VTA1: variants seen among roughly 807,000 people sequenced by gnomAD.
VTA1 encodes vesicle trafficking 1.
In VTA1, 24 loss-of-function variants were observed where a neutral mutation model predicts 36.9. The ratio of observed to expected loss-of-function variants is 0.65; its 90% CI spans 0.47 to 0.91. The LOEUF (loss-of-function observed/expected upper bound fraction) is 0.91. VTA1 is among the 40% of genes least tolerant of loss of function. The pLI is 0.00. For missense variants in VTA1, 393 were observed against 377.2 expected (o/e 1.04, Z -0.35); for synonymous variants, 142 against 130.2 (o/e 1.09, Z -0.62).
At position 142,223,276 on chromosome 6, in the gene VTA1, G is replaced by A. The variant is rs558968493; in HGVS notation, c.*4633G>A. 29 of 152,306 alleles carry A rather than the reference G, an allele frequency of 1.9e-4. No individual in the cohort carries two copies. Among genetic ancestry groups the A allele is most frequent in the Admixed American group, 1.8e-3 (27 of 15,294 alleles). The allele number at this position is 152,306 out of a possible 1,614,324, so 9.4% of individuals were successfully genotyped here. ...TGTATGGACTGCAGCAATCCAAGGG[G>A]ACACTAAGCAGGGTTTGAGTAATGC... On this transcript the variant is annotated 3_prime_UTR_variant, in exon 8 of 8. Coordinates refer to ENST00000367630, the MANE Select transcript of VTA1 (RefSeq NM_016485.5).
At position 142,169,577 on chromosome 6, in the gene VTA1, G is replaced by A; in HGVS notation, c.235G>A (p.Ala79Thr). ...ALKKQLGDNE[A>T]ITQEIVGCAH... is the part of the protein sequence containing the mutation. ...AAAGAAGCAGTTGGGTGATAATGAA[G>A]CTATTACTCAAGAAATAGTGGGCTG... The change falls in exon 3 of 8, where the codon GCT (alanine) becomes ACT (threonine). Residue 79 changes from alanine to threonine, a missense_variant. Transcript: ENST00000367630. 1 of 1,607,468 alleles carries A rather than the reference G, an allele frequency of 6.2e-7. No individual in the cohort carries two copies. The highest frequency in any genetic ancestry group is 8.5e-7 in the Non-Finnish European group (1 of 1,178,620).
At chr6:142,193,694 G>C (rs1172175516) in intron 5 of VTA1, among the ~76,000 whole-genome samples, 1 of 151,226 alleles carries the variant, frequency 6.6e-6, no homozygotes, top group African/African-American at 2.4e-5. Context: ...TTCATTACTT[G>C]AGCAAATTAA....
intron 1 of VTA1, among the ~76,000 whole-genome samples, chr6:142,164,748 T>C (rs894986153): frequency 6.6e-6 from 1 of 152,144 alleles, no homozygotes; most frequent in Non-Finnish European, 1.5e-5. Flanking sequence ...TATTATCCCA[T>C]GGAAACTTAA....
At chr6:142,193,510 C>A (rs188146148) in intron 5 of VTA1, among the ~76,000 whole-genome samples, 3 of 152,156 alleles carry the variant, frequency 2.0e-5, no homozygotes, top group Admixed American at 2.0e-4. Context: ...AGTTGGCACT[C>A]TATCATAAGG....
At chr6:142,208,307 T>C (rs1388248636) in intron 7 of VTA1, among the ~76,000 whole-genome samples, 2 of 152,122 alleles carry the variant, frequency 1.3e-5, no homozygotes, top group Non-Finnish European at 2.9e-5. Flanking sequence ...GAGAACTCTT[T>C]TGAGGCTCTC....
intron 7 of VTA1, among the ~76,000 whole-genome samples, chr6:142,209,596 A>G (rs1335752244): frequency 6.6e-6 from 1 of 150,906 alleles, no homozygotes; most frequent in Admixed American, 6.6e-5. Flanking sequence ...GTTGAATGTA[A>G]TACAAAAAAT....
At chr6:142,178,574 A>G (rs895796854) in intron 4 of VTA1, among the ~76,000 whole-genome samples, 1 of 152,124 alleles carries the variant, frequency 6.6e-6, no homozygotes, top group Admixed American at 6.5e-5. Flanking sequence ...AAAAGACTAT[A>G]TATTTTTAAT....
chr6:142,175,314 A>G (rs895207992), intron 4 of VTA1, among the ~76,000 whole-genome samples: 48 of 151,914 alleles, frequency 3.2e-4, no homozygotes, highest in African/African-American at 1.1e-3. Context: ...GTTTTCTGTC[A>G]TGCTCCGTAC....
chr6:142,171,804 G>C (rs565787447), intron 4 of VTA1, among the ~76,000 whole-genome samples: 7 of 152,090 alleles, frequency 4.6e-5, no homozygotes, highest in Non-Finnish European at 1.0e-4. Context: ...TTTTCAAAAT[G>C]ATGAGTAGCT....
intron 4 of VTA1, among the ~76,000 whole-genome samples, chr6:142,182,293 T>G (rs1471533164): frequency 6.6e-6 from 1 of 152,106 alleles, no homozygotes; most frequent in East Asian, 1.9e-4. Flanking sequence ...AGGAGAACAA[T>G]GTGGCAGAAT....
At chr6:142,164,378 CTT>C (rs200579849) in intron 1 of VTA1, among the ~76,000 whole-genome samples, 3 of 148,294 alleles carry the variant, frequency 2.0e-5, no homozygotes, top group African/African-American at 5.0e-5. Flanking sequence ...TTTTGGAACT[CTT>C]TTTTTTTTCT....
intron 1 of VTA1, among the ~76,000 whole-genome samples, chr6:142,156,884 G>A (rs1248082501): frequency 6.6e-6 from 1 of 152,190 alleles, no homozygotes; most frequent in African/African-American, 2.4e-5. Context: ...ATGGATATTA[G>A]CATTAACAAT....
rs1007286218 is a variant in VTA1 at position 142,201,474 on chromosome 6, T to G, written c.698-2511T>G. On this transcript the variant is annotated intron_variant, in intron 6 of 7. Coordinates refer to ENST00000367630, the MANE Select transcript of VTA1 (RefSeq NM_016485.5). ...TGTTTAAACAGGCGAAGTGTTTGCT[T>G]CTTGTGCTTTCAACACTGCACAGAT... 2.0e-5 allele frequency among the ~76,000 whole-genome samples: 3 copies of G among 151,978 alleles called. No homozygotes were observed. In the South Asian group the frequency reaches 6.2e-4, roughly 31 times the overall value.
rs1364196232 is a variant in VTA1, at chr6:142,223,260, TGCA to T, written c.*4621_*4623del. On this transcript the variant is annotated 3_prime_UTR_variant, in exon 8 of 8. Transcript: ENST00000367630. ...ATCTATGACCTGAAATTGTATGGAC[TGCA>T]GCAATCCAAGGGGACACTAAGCAGG... 1.3e-5 allele frequency: 2 copies of T among 152,250 alleles called. No individual in the cohort carries two copies. Among genetic ancestry groups the T allele is most frequent in the African/African-American group, 4.8e-5 (2 of 41,476 alleles). 9.4% of individuals were successfully genotyped at this position (152,250 alleles called of 1,614,324 possible). A position where few individuals can be genotyped will look rare whatever the true frequency, so the allele number is the denominator to read the frequency against.
intron 4 of VTA1, among the ~76,000 whole-genome samples, chr6:142,172,763 G>T (rs2114648222): frequency 6.6e-6 from 1 of 152,288 alleles, no homozygotes. Context: ...TGGTTCAGTA[G>T]AACTTTGGAG....
intron 4 of VTA1, among the ~76,000 whole-genome samples, chr6:142,182,426 A>G (rs1775259409): frequency 6.6e-6 from 1 of 152,210 alleles, no homozygotes; most frequent in Non-Finnish European, 1.5e-5. Flanking sequence ...TGTAATGGAC[A>G]AGAGTGGAAA....
intron 7 of VTA1, among the ~76,000 whole-genome samples, chr6:142,212,369 A>G (rs1194668538): frequency 6.6e-6 from 1 of 152,230 alleles, no homozygotes; most frequent in Admixed American, 6.5e-5. Context: ...ATGAAAAGAC[A>G]TGGAGGAAAC....
chr6:142,160,014 A>G (rs1307817992), intron 1 of VTA1, among the ~76,000 whole-genome samples: 1 of 152,026 alleles, frequency 6.6e-6, no homozygotes, highest in African/African-American at 2.4e-5. Flanking sequence ...ACATTTTCCT[A>G]TCTGTTGGCC....
At chr6:142,208,002 G>C (rs987962518) in intron 7 of VTA1, among the ~76,000 whole-genome samples, 1 of 149,514 alleles carries the variant, frequency 6.7e-6, no homozygotes, top group African/African-American at 2.5e-5. Flanking sequence ...CAGGAGAATC[G>C]CTTGAACCTG....
Sources: gnomAD v4.1 joint callset for allele counts (sites outside exome capture counted in the v4.1 genomes callset) on GRCh38, gnomAD v4.1.1 for gene constraint, MANE v1.5 for transcripts, NCBI Gene and HGNC (gene_info 2026-07-23, HGNC 2026-07-21) for gene names.